Variants in FMN1 observed in about 807,000 individuals in gnomAD.
FMN1 encodes the protein formin-1.
FMN1 carries 110 observed loss-of-function variants against 132.4 expected under a neutral mutation model. The ratio of observed to expected loss-of-function variants is 0.83; its 90% CI spans 0.71 to 0.97. The LOEUF is 0.97. Among genes scored for constraint, FMN1 ranks in the 50% least tolerant of loss-of-function variants. The pLI is 0.00. For synonymous variants in FMN1, 722 were observed against 651.7 expected (o/e 1.11, Z -1.64); for missense variants, 1,792 against 1,705.3 (o/e 1.05, Z -0.90).
intron 11 of FMN1, among the ~76,000 whole-genome samples, chr15:32,909,234 A>C (rs1256283447): frequency 6.6e-6 from 1 of 151,952 alleles, no homozygotes; most frequent in African/African-American, 2.4e-5. Flanking sequence ...AACATGAACC[A>C]CTGTATCCTC....
chr15:33,141,869 AAGCCTTTGG>A (rs1292738212), intron 4 of FMN1, among the ~76,000 whole-genome samples: 1 of 152,040 alleles, frequency 6.6e-6, no homozygotes, highest in East Asian at 1.9e-4. Flanking sequence ...ACTCAGCTGT[AAGCCTTTGG>A]CTGGCAATGC....
At chr15:32,981,546 T>TA (rs1566788209) in intron 7 of FMN1, among the ~76,000 whole-genome samples, 2,213 of 125,628 alleles carry the variant, frequency 0.018, 39 homozygotes, top group African/African-American at 0.055. Context: ...TAATAATAAT[T>TA]ATTATTATTA....
At chr15:32,993,172 C>T (rs1596416965) in intron 7 of FMN1, among the ~76,000 whole-genome samples, 1 of 152,166 alleles carries the variant, frequency 6.6e-6, no homozygotes, top group East Asian at 1.9e-4. Flanking sequence ...AAATATCATT[C>T]CAATACACAT....
At position 33,031,028 on chromosome 15, in the gene FMN1, C is replaced by T. The variant is rs902255286; in HGVS notation, c.2162-22953G>A. Among the ~76,000 whole-genome samples, 3 of 149,320 alleles carry T rather than the reference C, an allele frequency of 2.0e-5. No homozygotes were observed. The South Asian group carries it at 6.6e-4, about 33-fold the overall frequency. On this transcript the variant is annotated intron_variant, in intron 6 of 20. Coordinates refer to ENST00000616417, the MANE Select transcript of FMN1 (RefSeq NM_001277313.2). The stretch of plus-strand genomic sequence containing the variant: ...GTGTGCAATGTTCCCCTCCCTGTGT[C>T]CATGTGTTCTCATTGTTCAACTCCC...
intron 4 of FMN1, among the ~76,000 whole-genome samples, chr15:33,126,886 C>T (rs1057419818): frequency 3.3e-5 from 5 of 152,156 alleles, no homozygotes; most frequent in African/African-American, 1.2e-4. Flanking sequence ...ATAACTGTGG[C>T]TGTATAACTG....
At chr15:32,977,420 G>C (rs1328153030) in intron 7 of FMN1, among the ~76,000 whole-genome samples, 1 of 152,186 alleles carries the variant, frequency 6.6e-6, no homozygotes, top group African/African-American at 2.4e-5. Context: ...TCCTGAAAAA[G>C]ATATGGAATG....
rs753821505 is a variant in FMN1 at position 32,819,593 on chromosome 15, TG to T, written c.3929-15262del. 1.4e-4 allele frequency among the ~76,000 whole-genome samples: 21 copies of T among 152,214 alleles called. 1 individual carries two copies. Among genetic ancestry groups the T allele is most frequent in the Non-Finnish European group, 7.3e-5 (5 of 68,040 alleles). On this transcript the variant is annotated intron_variant, in intron 17 of 20. Coordinates refer to ENST00000616417, the MANE Select transcript of FMN1 (RefSeq NM_001277313.2). ...GACAAGATTTATTGCATATTTTATA[TG>T]GGACACATCTGTTTCTTTGCTAGCT...
chr15:33,051,657 T>G (rs1027577348), intron 6 of FMN1, among the ~76,000 whole-genome samples: 2 of 152,168 alleles, frequency 1.3e-5, no homozygotes, highest in African/African-American at 4.8e-5. Flanking sequence ...AGTTTTTAGC[T>G]GGTATATGAC....
intron 17 of FMN1, among the ~76,000 whole-genome samples, chr15:32,854,404 T>C (rs1443218248): frequency 6.6e-6 from 1 of 152,260 alleles, no homozygotes; most frequent in Non-Finnish European, 1.5e-5. Context: ...TACCATACGG[T>C]ATTGGGAATG....
intron 6 of FMN1, chr15:33,012,284 G>A: frequency 2.7e-6 from 2 of 743,038 alleles, no homozygotes. Context: ...GTATTCCAGA[G>A]GCTTTGGGTT....
At chr15:32,931,782 T>A (rs1318154942) in intron 9 of FMN1, among the ~76,000 whole-genome samples, 1 of 152,234 alleles carries the variant, frequency 6.6e-6, no homozygotes, top group East Asian at 1.9e-4. Context: ...CTGATCTTAG[T>A]GGAAATGCTT....
intron 16 of FMN1, among the ~76,000 whole-genome samples, chr15:32,881,524 T>C (rs536558): frequency 0.29 from 43,452 of 151,864 alleles, 6,771 homozygotes; most frequent in African/African-American, 0.42. Context: ...GTTCAATCAA[T>C]GACGTTTCCA....
At chr15:32,796,224 T>G (rs2140966904) in intron 19 of FMN1, among the ~76,000 whole-genome samples, 1 of 152,378 alleles carries the variant, frequency 6.6e-6, no homozygotes, top group South Asian at 2.1e-4. Context: ...TAAGTAGTTT[T>G]CAACACTTCC....
intron 7 of FMN1, among the ~76,000 whole-genome samples, chr15:32,994,045 C>T (rs2033611196): frequency 6.6e-6 from 1 of 152,110 alleles, no homozygotes; most frequent in African/African-American, 2.4e-5. Context: ...CTTCCAGAAT[C>T]TTGCCTCTTG....
At chr15:32,927,929 A>G (rs1214077459) in intron 9 of FMN1, among the ~76,000 whole-genome samples, 2 of 152,264 alleles carry the variant, frequency 1.3e-5, no homozygotes, top group Non-Finnish European at 2.9e-5. Context: ...AGACAAGACT[A>G]AACAGTAACA....
chr15:32,911,534 A>AGG (rs751105204), intron 10 of FMN1, among the ~76,000 whole-genome samples: 1 of 152,170 alleles, frequency 6.6e-6, no homozygotes, highest in Non-Finnish European at 1.5e-5. Flanking sequence ...GACCAAGGTA[A>AGG]GGGGCAGGTT....
chr15:33,169,493 G>A (rs1566964464), intron 3 of FMN1, among the ~76,000 whole-genome samples: 1 of 152,118 alleles, frequency 6.6e-6, no homozygotes, highest in Non-Finnish European at 1.5e-5. Context: ...AATGGCTACT[G>A]TTGAGATTCC....
chr15:33,072,031 A>C (rs902588103), intron 5 of FMN1, among the ~76,000 whole-genome samples: 1 of 151,832 alleles, frequency 6.6e-6, no homozygotes, highest in Non-Finnish European at 1.5e-5. Context: ...CTCAAGACAA[A>C]CTCTCTAACT....
At chr15:33,014,188 A>G (rs1566826039) in intron 6 of FMN1, among the ~76,000 whole-genome samples, 1 of 152,234 alleles carries the variant, frequency 6.6e-6, no homozygotes, top group Non-Finnish European at 1.5e-5. Flanking sequence ...ACAAGAGAGT[A>G]GTAAGAGAAT....
Sources: gnomAD v4.1 joint callset for allele counts (sites outside exome capture counted in the v4.1 genomes callset) on GRCh38, gnomAD v4.1.1 for gene constraint, MANE v1.5 for transcripts, NCBI Gene and HGNC (gene_info 2026-07-23, HGNC 2026-07-21) for gene names.